The following ARB2A variants were observed in gnomAD, a reference collection of about 807,000 sequenced individuals.
ARB2A encodes ARB2 cotranscriptional regulator A, also known as cotranscriptional regulator ARB2A.
the ARB2A span, among the ~76,000 whole-genome samples, chr5:94,107,547 A>G: frequency 1.3e-5 from 2 of 151,638 alleles, no homozygotes; most frequent in Non-Finnish European, 2.9e-5. Flanking sequence ...AAAAAAAAAA[A>G]GACGTTGTTA....
the ARB2A span, among the ~76,000 whole-genome samples, chr5:93,769,671 C>T: frequency 1.3e-5 from 2 of 152,172 alleles, no homozygotes; most frequent in African/African-American, 4.8e-5. Context: ...TTCACTAGCA[C>T]AGGCCCAGAA....
the ARB2A span, among the ~76,000 whole-genome samples, chr5:93,977,835 T>C: frequency 1.3e-5 from 2 of 152,082 alleles, no homozygotes; most frequent in African/African-American, 4.8e-5. Context: ...TGACAATCTA[T>C]AGAACAGAAG....
At chr5:93,765,534 T>G in the ARB2A span, among the ~76,000 whole-genome samples, 4 of 152,000 alleles carry the variant, frequency 2.6e-5, no homozygotes, top group South Asian at 2.1e-4. Flanking sequence ...CACTGCTCAA[T>G]GAAATGAAAG....
At chr5:94,083,669 A>G in the ARB2A span, among the ~76,000 whole-genome samples, 3 of 152,180 alleles carry the variant, frequency 2.0e-5, no homozygotes, top group Non-Finnish European at 4.4e-5. Flanking sequence ...TACCACTTCT[A>G]TTCAAAGTTT....
At chr5:93,622,785 T>C in the ARB2A span, among the ~76,000 whole-genome samples, 1 of 152,252 alleles carries the variant, frequency 6.6e-6, no homozygotes, top group African/African-American at 2.4e-5. Context: ...GGGATGAGTG[T>C]AGGTTTATCT....
chr5:93,687,861 T>C, the ARB2A span, among the ~76,000 whole-genome samples: 2 of 152,204 alleles, frequency 1.3e-5, no homozygotes, highest in Non-Finnish European at 2.9e-5. Context: ...CTTACATTCT[T>C]CACTTTTTAA....
chr5:94,059,191 AC>A, the ARB2A span, among the ~76,000 whole-genome samples: 2 of 151,644 alleles, frequency 1.3e-5, no homozygotes, highest in African/African-American at 4.8e-5. Context: ...AAAAAAAAAA[AC>A]AATAGTTTTT....
chr5:93,822,181 A>G, the ARB2A span, among the ~76,000 whole-genome samples: 1 of 152,324 alleles, frequency 6.6e-6, no homozygotes, highest in Non-Finnish European at 1.5e-5. Context: ...GAAAAACTTT[A>G]GCTCAGCTTG....
chr5:93,855,073 T>A, the ARB2A span, among the ~76,000 whole-genome samples: 2 of 152,228 alleles, frequency 1.3e-5, no homozygotes, highest in Admixed American at 1.3e-4. Context: ...AAGTCTCCCA[T>A]TATTATTGTG....
chr5:93,980,609 C>A, the ARB2A span, among the ~76,000 whole-genome samples: 2 of 151,986 alleles, frequency 1.3e-5, no homozygotes, highest in African/African-American at 4.8e-5. Flanking sequence ...AGCTCTTTTT[C>A]ATATTTTCCA....
the ARB2A span, among the ~76,000 whole-genome samples, chr5:93,625,232 A>C: frequency 6.6e-6 from 1 of 152,152 alleles, no homozygotes; most frequent in Admixed American, 6.5e-5. Context: ...TTCCTTCTAC[A>C]TGTTAACTAG....
chr5:94,089,506 T>A, the ARB2A span, among the ~76,000 whole-genome samples: 1 of 152,082 alleles, frequency 6.6e-6, no homozygotes, highest in Non-Finnish European at 1.5e-5. Context: ...TTTAAAAACC[T>A]GTGGCATAGC....
At chr5:93,625,267 G>T in the ARB2A span, among the ~76,000 whole-genome samples, 1 of 152,030 alleles carries the variant, frequency 6.6e-6, no homozygotes, top group South Asian at 2.1e-4. Context: ...TAACAATCTC[G>T]TAAGTAGGTA....
At chr5:93,750,369 A>G in the ARB2A span, among the ~76,000 whole-genome samples, 30 of 152,200 alleles carry the variant, frequency 2.0e-4, no homozygotes, top group Non-Finnish European at 3.8e-4. Flanking sequence ...CTCCTTCATA[A>G]GAAAAATATG....
At chr5:93,822,757 A>G in the ARB2A span, among the ~76,000 whole-genome samples, 5 of 152,078 alleles carry the variant, frequency 3.3e-5, no homozygotes, top group African/African-American at 1.2e-4. Flanking sequence ...TAAGATATCT[A>G]TTATATATAT....
At chr5:93,691,668 T>C in the ARB2A span, among the ~76,000 whole-genome samples, 1 of 151,706 alleles carries the variant, frequency 6.6e-6, no homozygotes, top group Non-Finnish European at 1.5e-5. Flanking sequence ...ATTCAGGAAA[T>C]ACAGAGAACA....
At chr5:94,009,283 G>T in the ARB2A span, among the ~76,000 whole-genome samples, 1 of 152,144 alleles carries the variant, frequency 6.6e-6, no homozygotes, top group South Asian at 2.1e-4. Flanking sequence ...AGAACAGTCA[G>T]TCATTCATTG....
chr5:93,964,590 G>A, the ARB2A span: 2 of 1,262,598 alleles, frequency 1.6e-6, no homozygotes, highest in African/African-American at 1.5e-5. Context: ...CATAAATTTT[G>A]GTAAATTGTT....
the ARB2A span, among the ~76,000 whole-genome samples, chr5:93,673,590 AG>A: frequency 8.5e-5 from 13 of 152,312 alleles, no homozygotes; most frequent in African/African-American, 3.1e-4. Context: ...AACAGCCCAT[AG>A]AGAGTTCACT....
Sources: gnomAD v4.1 joint callset for allele counts (sites outside exome capture counted in the v4.1 genomes callset) on GRCh38, gnomAD v4.1.1 for gene constraint, MANE v1.5 for transcripts, NCBI Gene and HGNC (gene_info 2026-07-23, HGNC 2026-07-21) for gene names.